Variants in ROBO2 observed in about 807,000 individuals in gnomAD.
ROBO2 encodes the protein roundabout guidance receptor 2.
A neutral mutation model predicts 160.8 loss-of-function variants in ROBO2; 53 were observed. The ratio of observed to expected loss-of-function variants is 0.33; its 90% CI spans 0.26 to 0.41. The LOEUF (loss-of-function observed/expected upper bound fraction) is 0.41, where lower values mean the gene tolerates loss of function less well. Ranked by LOEUF, ROBO2 falls within the 10% of genes least tolerant of loss-of-function variation. The pLI is 1.00. For synonymous variants in ROBO2, 664 were observed against 611.7 expected, an observed-to-expected ratio of 1.09 and a Z score of -1.26; for missense variants, 1,577 against 1,722.4, an observed-to-expected ratio of 0.92 and a Z score of 1.49.
intron 5 of ROBO2, among the ~76,000 whole-genome samples, chr3:77,522,471 T>C (rs2090700647): frequency 6.6e-6 from 1 of 151,226 alleles, no homozygotes; most frequent in South Asian, 2.1e-4. Flanking sequence ...CTGTTTTCTT[T>C]AGCAGTCAAG....
chr3:76,193,814 C>CT (rs1014822405), intron 2 of ROBO2, among the ~76,000 whole-genome samples: 11 of 152,096 alleles, frequency 7.2e-5, no homozygotes, highest in Admixed American at 4.6e-4. Context: ...CATGTGACCT[C>CT]TTTTTTTTCT....
At chr3:77,533,642 G>T (rs1246797408) in intron 6 of ROBO2, among the ~76,000 whole-genome samples, 1 of 152,128 alleles carries the variant, frequency 6.6e-6, no homozygotes, top group East Asian at 1.9e-4. Flanking sequence ...TTCATAGCCA[G>T]CGGGGGCACC....
intron 2 of ROBO2, among the ~76,000 whole-genome samples, chr3:76,378,906 T>C (rs2076484047): frequency 6.6e-6 from 1 of 152,222 alleles, no homozygotes; most frequent in African/African-American, 2.4e-5. Context: ...CAGCAAACGC[T>C]GCTGAAGAGA....
At chr3:77,542,586 T>G (rs1158233725) in intron 6 of ROBO2, among the ~76,000 whole-genome samples, 2 of 152,208 alleles carry the variant, frequency 1.3e-5, no homozygotes, top group Non-Finnish European at 2.9e-5. Flanking sequence ...GTTAGTGGTC[T>G]TTAAAATAAT....
chr3:76,368,000 G>T (rs2075912849), intron 2 of ROBO2, among the ~76,000 whole-genome samples: 1 of 151,498 alleles, frequency 6.6e-6, no homozygotes, highest in Non-Finnish European at 1.5e-5. Context: ...ATTTTCTTTG[G>T]TGTCAAACCT....
chr3:76,547,560 T>C (rs2083179364), intron 2 of ROBO2, among the ~76,000 whole-genome samples: 1 of 152,208 alleles, frequency 6.6e-6, no homozygotes, highest in South Asian at 2.1e-4. Flanking sequence ...AAAATTATTA[T>C]TATATTGTGT....
chr3:77,257,717 G>C (rs1231109727), intron 2 of ROBO2, among the ~76,000 whole-genome samples: 1 of 152,162 alleles, frequency 6.6e-6, no homozygotes, highest in Non-Finnish European at 1.5e-5. Flanking sequence ...CTCATTATTT[G>C]TTCAGAATTC....
intron 2 of ROBO2, among the ~76,000 whole-genome samples, chr3:76,726,867 C>T (rs1368234781): frequency 2.6e-5 from 4 of 152,070 alleles, no homozygotes; most frequent in African/African-American, 7.2e-5. Context: ...AAAGCTATCT[C>T]GTACAGCTAC....
At chr3:77,299,754 C>T (rs1013372485) in intron 2 of ROBO2, among the ~76,000 whole-genome samples, 2 of 152,026 alleles carry the variant, frequency 1.3e-5, no homozygotes, top group African/African-American at 4.8e-5. Flanking sequence ...AATCTCAGGT[C>T]AGACTAATTG....
chr3:76,347,917 G>T (rs2074626843), intron 2 of ROBO2, among the ~76,000 whole-genome samples: 1 of 152,132 alleles, frequency 6.6e-6, no homozygotes, highest in African/African-American at 2.4e-5. Context: ...ACAATTGAAT[G>T]AGGATGTTGG....
chr3:76,279,430 T>C (rs1407633373), intron 2 of ROBO2, among the ~76,000 whole-genome samples: 1 of 151,928 alleles, frequency 6.6e-6, no homozygotes, highest in East Asian at 1.9e-4. Flanking sequence ...CTCCAGTTTG[T>C]CTTTGGCATT....
At chr3:76,651,649 A>G (rs1411469337) in intron 2 of ROBO2, among the ~76,000 whole-genome samples, 1 of 152,030 alleles carries the variant, frequency 6.6e-6, no homozygotes, top group Non-Finnish European at 1.5e-5. Context: ...TATGGGGAGA[A>G]AGTGAAAAAC....
At chr3:77,410,372 T>A (rs1027527324) in intron 2 of ROBO2, among the ~76,000 whole-genome samples, 7 of 152,182 alleles carry the variant, frequency 4.6e-5, no homozygotes, top group Admixed American at 2.6e-4. Context: ...ATAGCTAATT[T>A]TCTTCGCCTG....
chr3:77,103,711 A>G (rs554378661), intron 2 of ROBO2, among the ~76,000 whole-genome samples: 1 of 152,304 alleles, frequency 6.6e-6, no homozygotes, highest in Non-Finnish European at 1.5e-5. Flanking sequence ...TTATAGGGTT[A>G]CAGATTGCGA....
intron 2 of ROBO2, among the ~76,000 whole-genome samples, chr3:77,282,974 AT>A (rs1221496534): frequency 7.3e-5 from 11 of 151,562 alleles, no homozygotes; most frequent in African/African-American, 2.7e-4. Context: ...AAAAAAAAAA[AT>A]ATTTGCTGAT....
At position 76,948,920 on chromosome 3, in the gene ROBO2, T is replaced by A. The variant is rs1326017045; in HGVS notation, c.110-149094T>A. 9.0e-5 allele frequency among the ~76,000 whole-genome samples: 11 copies of A among 121,732 alleles called. No homozygotes were observed. In the South Asian group the frequency reaches 1.8e-3, roughly 20 times the overall value. 79.9% of individuals were successfully genotyped at this position (121,732 alleles called of 152,430 possible). On this transcript the variant is annotated intron_variant, in intron 2 of 26. Transcript: ENST00000487694. ...TATATATATATATATTTTTTTTTTT[T>A]TTTTTTTTTTAGTAGAGATGGGGTT...
chr3:76,528,406 T>C (rs2082055116), intron 2 of ROBO2, among the ~76,000 whole-genome samples: 1 of 152,028 alleles, frequency 6.6e-6, no homozygotes. Flanking sequence ...AGTGGTTAGA[T>C]AATGAATATT....
In ROBO2 at chr3:76,112,298, A is replaced by C. The variant is rs1318968983; in HGVS notation, c.109+174696A>C. Among the ~76,000 whole-genome samples, 3 of 152,112 alleles carry C rather than the reference A, an allele frequency of 2.0e-5. No homozygotes were observed. The East Asian group carries it at 5.8e-4, about 29-fold the overall frequency. On this transcript the variant is annotated intron_variant, in intron 2 of 26. Transcript: ENST00000487694. ...TTCTATTTGATTTAGGAGTTTGGCA[A>C]AACATAGTACTATTATTATCATGGG...
chr3:76,753,456 C>G (rs1473888213), intron 2 of ROBO2, among the ~76,000 whole-genome samples: 1 of 151,720 alleles, frequency 6.6e-6, no homozygotes, highest in Non-Finnish European at 1.5e-5. Flanking sequence ...TTTCAAACTA[C>G]AAATATACAT....
Sources: allele counts gnomAD v4.1 joint callset (sites outside exome capture counted in the v4.1 genomes callset), GRCh38; gene constraint gnomAD v4.1.1; transcripts MANE v1.5; gene names NCBI Gene and HGNC (gene_info 2026-07-23, HGNC 2026-07-21).